Variants in CCDC170 observed in about 807,000 individuals in gnomAD.
The protein encoded by CCDC170 is coiled-coil domain containing 170.
A neutral mutation model predicts 72.6 loss-of-function variants in CCDC170; 69 were observed. The ratio of observed to expected loss-of-function variants is 0.95; its 90% CI spans 0.78 to 1.16. The LOEUF is 1.16. Among genes scored for constraint, CCDC170 ranks in the 50% most tolerant of loss-of-function variants. CCDC170 has a pLI of 0.00. For synonymous variants in CCDC170, 300 were observed against 303.9 expected (o/e 0.99, Z 0.13); for missense variants, 852 against 832.5 (o/e 1.02, Z -0.29).
In CCDC170 at chr6:151,619,864, A is replaced by G. The variant is rs1409389051; in HGVS notation, c.*1717A>G. On this transcript the variant is annotated 3_prime_UTR_variant, in exon 11 of 11. Coordinates refer to ENST00000239374, the MANE Select transcript of CCDC170 (RefSeq NM_025059.4). Reference sequence around the variant, plus strand: ...AAGTCAAAGTCATAATAAGCAAATTATTGGCTTCTTTCTTCTAGACTAAAA... The same window carrying G: ...AAGTCAAAGTCATAATAAGCAAATTGTTGGCTTCTTTCTTCTAGACTAAAA... 1 of 152,190 alleles carries G rather than the reference A, an allele frequency of 6.6e-6. No homozygotes were observed. Among genetic ancestry groups the G allele is most frequent in the Non-Finnish European group, 1.5e-5 (1 of 68,042 alleles). The allele number at this position is 152,190 out of a possible 1,614,324, so 9.4% of individuals were successfully genotyped here.
Position 151,526,069 on chromosome 6 carries a change from G to GTCCT in CCDC170, c.58-10227_58-10224dup, listed in dbSNP as rs567081511. Among the ~76,000 whole-genome samples the GTCCT allele has an allele frequency of 5.6e-3, 813 of 144,232 alleles. 6 individuals are homozygous for GTCCT. The highest frequency in any genetic ancestry group is 0.014 in the African/African-American group (469 of 34,596). The allele number at this position is 144,232 out of a possible 152,430, so 94.6% of individuals were successfully genotyped here. ...ATCATTGCTTCCAGATCTGGTACCA[G>GTCCT]TCCTTCCTTCCTTCCTTCCTTCCTT... On this transcript the variant is annotated intron_variant, in intron 1 of 10. Transcript: ENST00000239374.
chr6:151,508,622 A>G (rs983867680), intron 1 of CCDC170, among the ~76,000 whole-genome samples: 2 of 152,122 alleles, frequency 1.3e-5, no homozygotes, highest in Non-Finnish European at 1.5e-5. Flanking sequence ...CTGAAGCACA[A>G]GAATTGCTTG....
chr6:151,554,536 C>G (rs541676340), intron 5 of CCDC170, among the ~76,000 whole-genome samples: 47 of 152,142 alleles, frequency 3.1e-4, no homozygotes, highest in African/African-American at 1.1e-3. Flanking sequence ...ACCAGCCTGA[C>G]CAACACGGCA....
At chr6:151,546,059 T>G (rs1380963961) in intron 4 of CCDC170, among the ~76,000 whole-genome samples, 1 of 152,170 alleles carries the variant, frequency 6.6e-6, no homozygotes, top group Non-Finnish European at 1.5e-5. Flanking sequence ...ATTACAGGCG[T>G]GAGCCATCAC....
chr6:151,550,413 T>G (rs1782859850), intron 5 of CCDC170, among the ~76,000 whole-genome samples: 1 of 152,192 alleles, frequency 6.6e-6, no homozygotes, highest in Non-Finnish European at 1.5e-5. Flanking sequence ...GAATTTCTTT[T>G]GGGCCTTTTC....
intron 1 of CCDC170, among the ~76,000 whole-genome samples, chr6:151,517,065 G>A (rs1265034937): frequency 6.6e-6 from 1 of 152,226 alleles, no homozygotes; most frequent in Non-Finnish European, 1.5e-5. Context: ...GCCGGGCACA[G>A]TGGCTCACGC....
chr6:151,575,191 C>A (rs1776283402), intron 6 of CCDC170, among the ~76,000 whole-genome samples: 1 of 151,984 alleles, frequency 6.6e-6, no homozygotes, highest in African/African-American at 2.4e-5. Context: ...TTGTATAATT[C>A]CATTATGAAA....
intron 5 of CCDC170, among the ~76,000 whole-genome samples, chr6:151,560,840 C>G (rs1302933068): frequency 2.0e-5 from 3 of 151,914 alleles, no homozygotes; most frequent in African/African-American, 7.3e-5. Context: ...TACTTTAAGC[C>G]TGTGTGTGTT....
chr6:151,597,518 A>G (rs1776644683), intron 9 of CCDC170, among the ~76,000 whole-genome samples: 2 of 152,242 alleles, frequency 1.3e-5, no homozygotes, highest in East Asian at 1.9e-4. Flanking sequence ...GATTAATCAC[A>G]TTGGAATTTG....
intron 1 of CCDC170, among the ~76,000 whole-genome samples, chr6:151,521,185 T>G (rs1482091280): frequency 1.2e-4 from 19 of 152,180 alleles, no homozygotes; most frequent in Admixed American, 1.2e-3. Flanking sequence ...GTTACTCTCT[T>G]TATTAAATTG....
rs146223232 is a variant in CCDC170 at position 151,571,619 on chromosome 6, C to A, written c.775-1555C>A. 1.6e-3 allele frequency among the ~76,000 whole-genome samples: 250 copies of A among 152,052 alleles called. 2 individuals are homozygous for A. In the East Asian group the frequency reaches 0.039, roughly 24 times the overall value. ...GCACTTGCCTGTAATCCCATCTACT[C>A]GGGAGGCTGAGGCAGGAGAATCACT... is the stretch of plus-strand genomic sequence containing the variant. On this transcript the variant is annotated intron_variant, in intron 5 of 10. Transcript: ENST00000239374.
At chr6:151,575,917 T>C (rs1233421976) in intron 6 of CCDC170, among the ~76,000 whole-genome samples, 2 of 152,094 alleles carry the variant, frequency 1.3e-5, no homozygotes, top group African/African-American at 4.8e-5. Context: ...TCTCTGCGAG[T>C]AACTTAGTTT....
At chr6:151,515,492 A>G (rs999462049) in intron 1 of CCDC170, among the ~76,000 whole-genome samples, 2 of 152,172 alleles carry the variant, frequency 1.3e-5, no homozygotes, top group Non-Finnish European at 2.9e-5. Context: ...CATATTGGCC[A>G]GTCTGGTCTG....
chr6:151,577,683 G>A (rs1359092487), intron 6 of CCDC170, among the ~76,000 whole-genome samples: 2 of 152,158 alleles, frequency 1.3e-5, no homozygotes, highest in South Asian at 2.1e-4. Flanking sequence ...CTGCGCACCC[G>A]CACCAGTGCC....
In CCDC170 at chr6:151,566,793, A is replaced by G. The variant is rs572455013; in HGVS notation, c.775-6381A>G. Among the ~76,000 whole-genome samples, 315 of 152,332 alleles carry G rather than the reference A, an allele frequency of 2.1e-3. 4 individuals are homozygous for G. The highest frequency in any genetic ancestry group is 7.4e-3 in the African/African-American group (307 of 41,562). ...TTCCCTGTATTTAAGTTCTACATAC[A>G]CACTTTGAATGAATACTGCTTATGT... On this transcript the variant is annotated intron_variant, in intron 5 of 10. Coordinates refer to ENST00000239374, the MANE Select transcript of CCDC170 (RefSeq NM_025059.4).
chr6:151,604,186 C>G (rs1343819057), intron 9 of CCDC170, among the ~76,000 whole-genome samples: 1 of 152,198 alleles, frequency 6.6e-6, no homozygotes, highest in Non-Finnish European at 1.5e-5. Flanking sequence ...ATATCTCCCA[C>G]ACAAGACAGC....
intron 1 of CCDC170, among the ~76,000 whole-genome samples, chr6:151,521,031 G>C (rs1163835058): frequency 6.6e-6 from 1 of 152,136 alleles, no homozygotes; most frequent in Non-Finnish European, 1.5e-5. Context: ...GAACCCATTG[G>C]GTGGTTACAA....
intron 5 of CCDC170, among the ~76,000 whole-genome samples, chr6:151,560,857 T>A (rs1479502652): frequency 6.6e-6 from 1 of 152,162 alleles, no homozygotes; most frequent in Non-Finnish European, 1.5e-5. Context: ...TGTTATTACA[T>A]GCAAGATGGG....
intron 4 of CCDC170, among the ~76,000 whole-genome samples, chr6:151,548,005 C>G (rs1249136343): frequency 1.3e-5 from 2 of 152,220 alleles, no homozygotes; most frequent in African/African-American, 2.4e-5. Flanking sequence ...CCTACTGTAG[C>G]CTCTGTAGAG....
Sources: allele counts gnomAD v4.1 joint callset (sites outside exome capture counted in the v4.1 genomes callset), GRCh38; gene constraint gnomAD v4.1.1; transcripts MANE v1.5; gene names NCBI Gene and HGNC (gene_info 2026-07-23, HGNC 2026-07-21).